Variants in TANC2 observed in about 807,000 individuals in gnomAD.
TANC2 encodes protein TANC2.
TANC2 carries 26 observed loss-of-function variants against 210.5 expected under a neutral mutation model. The ratio of observed to expected loss-of-function variants is 0.12; its 90% CI spans 0.09 to 0.17. The LOEUF is 0.17. Ranked by LOEUF, TANC2 falls within the 10% of genes least tolerant of loss-of-function variation. The probability of loss-of-function intolerance (pLI) is 1.00; values close to 1 mark genes in which losing one functional copy is unlikely to be tolerated. For synonymous variants in TANC2, 931 were observed against 967.1 expected (o/e 0.96, Z 0.69); for missense variants, 2,129 against 2,608.9 (o/e 0.82, Z 4.01).
chr17:63,061,828 C>T (rs1276517115), intron 2 of TANC2, among the ~76,000 whole-genome samples: 5 of 152,074 alleles, frequency 3.3e-5, no homozygotes, highest in African/African-American at 1.2e-4. Context: ...TTGTTAAAAA[C>T]TTTCCTCCCT....
At chr17:63,115,752 G>C (rs1376744025) in intron 4 of TANC2, among the ~76,000 whole-genome samples, 1 of 152,044 alleles carries the variant, frequency 6.6e-6, no homozygotes, top group Non-Finnish European at 1.5e-5. Context: ...TTAAGCCTTT[G>C]CTTTGTATTT....
intron 19 of TANC2, among the ~76,000 whole-genome samples, chr17:63,399,788 T>C (rs2048286594): frequency 6.6e-6 from 1 of 152,328 alleles, no homozygotes; most frequent in Admixed American, 6.5e-5. Flanking sequence ...TCATTTAAAA[T>C]TTATAAAGAC....
chr17:63,269,532 A>G (rs2043633811), intron 9 of TANC2, among the ~76,000 whole-genome samples: 1 of 152,162 alleles, frequency 6.6e-6, no homozygotes, highest in African/African-American at 2.4e-5. Context: ...TTACTAAAAA[A>G]CATACTGACA....
At chr17:63,373,611 A>G (rs1368424466) in intron 14 of TANC2, among the ~76,000 whole-genome samples, 5 of 152,208 alleles carry the variant, frequency 3.3e-5, no homozygotes, top group Admixed American at 6.5e-5. Context: ...GTCTCTGTCA[A>G]TCCTCTACCA....
intron 4 of TANC2, among the ~76,000 whole-genome samples, chr17:63,126,614 G>A (rs963538083): frequency 3.9e-5 from 6 of 151,984 alleles, no homozygotes; most frequent in African/African-American, 1.5e-4. Flanking sequence ...TCACTGTGTT[G>A]GCCAGGCTGG....
At chr17:63,195,468 T>G (rs1267442316) in intron 6 of TANC2, among the ~76,000 whole-genome samples, 1 of 152,188 alleles carries the variant, frequency 6.6e-6, no homozygotes, top group Non-Finnish European at 1.5e-5. Context: ...ATGTACTCAA[T>G]CTGATCCCTT....
chr17:63,425,178 C>T (rs868681888), exon 28 of TANC2: 2 of 152,196 alleles, frequency 1.3e-5, no homozygotes, highest in South Asian at 2.1e-4. Context: ...AAACCCTTCT[C>T]GCTCCTCCCC....
chr17:63,036,941 A>G (rs920326650), intron 2 of TANC2, among the ~76,000 whole-genome samples: 2 of 151,500 alleles, frequency 1.3e-5, no homozygotes, highest in African/African-American at 2.4e-5. Flanking sequence ...GAAACTATGG[A>G]TAACACCGAA....
chr17:63,410,897 A>G (rs1329899204), intron 21 of TANC2, among the ~76,000 whole-genome samples: 1 of 151,010 alleles, frequency 6.6e-6, no homozygotes, highest in Non-Finnish European at 1.5e-5. Flanking sequence ...AAAGAAGCAG[A>G]AGAAAATGCT....
intron 7 of TANC2, among the ~76,000 whole-genome samples, chr17:63,234,573 T>C (rs1475630665): frequency 1.3e-5 from 2 of 152,212 alleles, no homozygotes; most frequent in East Asian, 3.9e-4. Context: ...GGCTTTAGCC[T>C]CTGTGCTTTC....
At chr17:63,212,193 G>A (rs1365135267) in intron 7 of TANC2, among the ~76,000 whole-genome samples, 1 of 151,974 alleles carries the variant, frequency 6.6e-6, no homozygotes, top group African/African-American at 2.4e-5. Context: ...TTCATTTTTT[G>A]GCAGTGCTTA....
At chr17:63,066,117 G>A (rs531074611) in intron 2 of TANC2, among the ~76,000 whole-genome samples, 5 of 152,256 alleles carry the variant, frequency 3.3e-5, no homozygotes, top group African/African-American at 1.2e-4. Flanking sequence ...CTGGACCTGG[G>A]TCAGCTGGAG....
chr17:63,314,072 G>A (rs922553983), intron 9 of TANC2, among the ~76,000 whole-genome samples: 10 of 152,126 alleles, frequency 6.6e-5, no homozygotes, highest in African/African-American at 9.7e-5. Flanking sequence ...GCTTGCATCC[G>A]TAGTGATTGC....
exon 10 of TANC2, chr17:63,314,455 C>G (rs781229986): frequency 2.5e-6 from 4 of 1,613,930 alleles, no homozygotes; most frequent in Non-Finnish European, 1.7e-6. Context: ...TGCCCAGCAT[C>G]ACTACAGAGT....
chr17:63,114,402 C>T (rs2145066028), intron 4 of TANC2, among the ~76,000 whole-genome samples: 1 of 152,234 alleles, frequency 6.6e-6, no homozygotes, highest in African/African-American at 2.4e-5. Flanking sequence ...TCTTTGACCA[C>T]CAGATGAAGT....
At chr17:63,002,511 T>C (rs1245279322) in intron 1 of TANC2, among the ~76,000 whole-genome samples, 2 of 152,214 alleles carry the variant, frequency 1.3e-5, no homozygotes. Flanking sequence ...ATCTATATGC[T>C]TTCTCCTATT....
At chr17:63,029,451 A>G (rs2034679483) in intron 2 of TANC2, among the ~76,000 whole-genome samples, 1 of 11,142 alleles carries the variant, frequency 9.0e-5, no homozygotes, top group Non-Finnish European at 2.0e-4. Flanking sequence ...TGAGAAAGTC[A>G]TAATTATTCT....
At chr17:63,050,004 G>T (rs181875850) in intron 2 of TANC2, among the ~76,000 whole-genome samples, 104 of 152,232 alleles carry the variant, frequency 6.8e-4, no homozygotes, top group African/African-American at 2.4e-3. Context: ...AGAGGAGCAG[G>T]TTCCTGGAGG....
chr17:63,368,513 T>C (rs991415439), intron 14 of TANC2, among the ~76,000 whole-genome samples: 2 of 152,190 alleles, frequency 1.3e-5, no homozygotes, highest in African/African-American at 4.8e-5. Flanking sequence ...AGAATAGTTA[T>C]ATTTAAATGC....
Sources: gnomAD v4.1 joint callset for allele counts (sites outside exome capture counted in the v4.1 genomes callset) on GRCh38, gnomAD v4.1.1 for gene constraint, MANE v1.5 for transcripts, NCBI Gene and HGNC (gene_info 2026-07-23, HGNC 2026-07-21) for gene names.